The following PKNOX2 variants were observed in gnomAD, a reference collection of about 807,000 sequenced individuals.
PKNOX2 encodes the protein PBX/knotted 1 homeobox 2, also known as homeobox protein PKNOX2.
A neutral mutation model predicts 53.1 loss-of-function variants in PKNOX2; 14 were observed. The ratio of observed to expected loss-of-function variants is 0.26; its 90% CI spans 0.17 to 0.41. PKNOX2 has a LOEUF of 0.41. Ranked by LOEUF, PKNOX2 falls within the 10% of genes least tolerant of loss-of-function variation. PKNOX2 has a pLI of 1.00. For missense variants in PKNOX2, 496 were observed against 602.8 expected, an observed-to-expected ratio of 0.82 and a Z score of 1.85; for synonymous variants, 257 against 242.8, an observed-to-expected ratio of 1.06 and a Z score of -0.54.
rs868768539 is a variant in PKNOX2, at chr11:125,399,125, G to A, written c.588+1063G>A. ...GACAACAAGCACAAAAGATACACTC[G>A]GTATCACATCCAACCCACCCCAGTG... On this transcript the variant is annotated intron_variant, in intron 7 of 12. Coordinates refer to ENST00000298282, the MANE Select transcript of PKNOX2 (RefSeq NM_001382323.2). Among the ~76,000 whole-genome samples the A allele has an allele frequency of 9.2e-5, 14 of 152,316 alleles. 1 individual carries two copies. The highest frequency in any genetic ancestry group is 6.8e-3 in the Middle Eastern group (2 of 294).
At chr11:125,188,487 C>T (rs1956590177) in intron 1 of PKNOX2, among the ~76,000 whole-genome samples, 1 of 152,214 alleles carries the variant, frequency 6.6e-6, no homozygotes, top group Non-Finnish European at 1.5e-5. Flanking sequence ...CAAACTATAG[C>T]ATCTTCTTTC....
At chr11:125,251,361 T>A (rs1269911601) in intron 2 of PKNOX2, among the ~76,000 whole-genome samples, 1 of 152,170 alleles carries the variant, frequency 6.6e-6, no homozygotes, top group Non-Finnish European at 1.5e-5. Flanking sequence ...AAATGAGGTG[T>A]CTCCTGGAAG....
intron 1 of PKNOX2, among the ~76,000 whole-genome samples, chr11:125,193,948 G>A (rs1484675363): frequency 5.9e-5 from 9 of 152,340 alleles, no homozygotes; most frequent in African/African-American, 1.9e-4. Flanking sequence ...AGTGTTGTGA[G>A]TACCAAGTGT....
rs780745823 is a variant in PKNOX2, at chr11:125,166,452, G to A, written c.-201+1676G>A. 1.2e-4 allele frequency among the ~76,000 whole-genome samples: 18 copies of A among 152,226 alleles called. No homozygotes were observed. Among genetic ancestry groups the A allele is most frequent in the Non-Finnish European group, 2.4e-4 (16 of 68,044 alleles). ...AGCGATTCCGGGAAGCGGACAGATC[G>A]AAGAGACCTTCTGGGCGAAGCGGCA... On this transcript the variant is annotated intron_variant, in intron 1 of 12. Transcript: ENST00000298282. The surrounding 1 kb of genome is among the most constrained non-coding windows in gnomAD (Gnocchi z 4.0).
intron 4 of PKNOX2, among the ~76,000 whole-genome samples, chr11:125,363,244 C>T (rs79734592): frequency 0.025 from 3,763 of 152,298 alleles, 158 homozygotes; most frequent in African/African-American, 0.085. Flanking sequence ...AGCACGGGTG[C>T]AGGTGCTGGC....
Position 125,397,903 on chromosome 11 carries a change from C to T in PKNOX2, c.429C>T (p.Ile143=). Reference sequence around the variant, plus strand: ...TGAAGGCAATCCAGGTCCTGAGAATCCACCTGCTGGAGCTGGAGAAAGTCA... The same window carrying T: ...TGAAGGCAATCCAGGTCCTGAGAATTCACCTGCTGGAGCTGGAGAAAGTCA... ...LMVKAIQVLR[I]HLLELEKVNE... is the part of the protein sequence containing the mutation. The change falls in exon 7 of 13, where the codon ATC becomes ATT. Residue 143 remains isoleucine, a synonymous_variant. Transcript: ENST00000298282. The T allele has an allele frequency of 6.2e-6, 10 of 1,613,236 alleles. No individual in the cohort carries two copies. The highest frequency in any genetic ancestry group is 8.5e-6 in the Non-Finnish European group (10 of 1,179,524).
At chr11:125,416,427 G>C (rs1591565192) in intron 10 of PKNOX2, among the ~76,000 whole-genome samples, 1 of 150,594 alleles carries the variant, frequency 6.6e-6, no homozygotes, top group South Asian at 2.1e-4. Flanking sequence ...TGTCTCATCT[G>C]ATCCTAACTA....
intron 2 of PKNOX2, among the ~76,000 whole-genome samples, chr11:125,297,423 T>C (rs903000842): frequency 1.3e-5 from 2 of 152,176 alleles, no homozygotes; most frequent in Non-Finnish European, 2.9e-5. Flanking sequence ...GCAACAGCAG[T>C]TTAAACAAAA....
At chr11:125,221,060 C>T (rs930889152) in intron 1 of PKNOX2, among the ~76,000 whole-genome samples, 4 of 152,112 alleles carry the variant, frequency 2.6e-5, no homozygotes, top group Non-Finnish European at 5.9e-5. Flanking sequence ...GAGGCAGAGG[C>T]AGGAGAATTG....
Position 125,186,209 on chromosome 11 carries a change from C to T in PKNOX2, c.-201+21433C>T, listed in dbSNP as rs577418973. On this transcript the variant is annotated intron_variant, in intron 1 of 12. Coordinates refer to ENST00000298282, the MANE Select transcript of PKNOX2 (RefSeq NM_001382323.2). ...TATCTTTTTTGGAGAAACAGCTAGTCGAATTCTATGCCCATTTTTAAATTG... is the reference window on the plus strand; with the variant it reads ...TATCTTTTTTGGAGAAACAGCTAGTTGAATTCTATGCCCATTTTTAAATTG... 1.2e-4 allele frequency among the ~76,000 whole-genome samples: 18 copies of T among 152,184 alleles called. No individual in the cohort carries two copies. In the South Asian group the frequency reaches 3.1e-3, roughly 26 times the overall value.
intron 2 of PKNOX2, among the ~76,000 whole-genome samples, chr11:125,295,739 C>A (rs1166407753): frequency 1.3e-5 from 2 of 152,222 alleles, no homozygotes; most frequent in African/African-American, 2.4e-5. Context: ...AGTTTCAGAA[C>A]TGGGGCTCGC....
intron 1 of PKNOX2, among the ~76,000 whole-genome samples, chr11:125,196,952 C>T (rs1937774609): frequency 6.6e-6 from 1 of 152,194 alleles, no homozygotes; most frequent in South Asian, 2.1e-4. Flanking sequence ...CCTGGGATCA[C>T]TGGATTTTAC....
chr11:125,284,716 T>C (rs1461883517), intron 2 of PKNOX2, among the ~76,000 whole-genome samples: 1 of 152,086 alleles, frequency 6.6e-6, no homozygotes, highest in Non-Finnish European at 1.5e-5. Context: ...AAGGGAATGA[T>C]GAATTCCAGG....
At chr11:125,274,186 T>C (rs945822526) in intron 2 of PKNOX2, among the ~76,000 whole-genome samples, 2 of 152,262 alleles carry the variant, frequency 1.3e-5, no homozygotes, top group African/African-American at 4.8e-5. Flanking sequence ...CCTACTCTTA[T>C]GCCTCAGAGC....
chr11:125,386,798 T>C (rs971740043), intron 6 of PKNOX2, among the ~76,000 whole-genome samples: 20 of 151,386 alleles, frequency 1.3e-4, no homozygotes, highest in Admixed American at 1.3e-3. Flanking sequence ...TTCTGTGCTG[T>C]GAATTATCCA....
chr11:125,176,495 C>A (rs908138983), intron 1 of PKNOX2, among the ~76,000 whole-genome samples: 6 of 152,190 alleles, frequency 3.9e-5, no homozygotes, highest in African/African-American at 1.4e-4. Context: ...TCCAGGAAGC[C>A]GTGAGGGCCT....
rs191051251 is a variant in PKNOX2 at position 125,289,310 on chromosome 11, T to C, written c.-129-42509T>C. ...CATGCTATAGTAGGATACTGCTCTCTTCCCACCTCCACCAGTGATCCAGGC... is the reference window on the plus strand; with the variant it reads ...CATGCTATAGTAGGATACTGCTCTCCTCCCACCTCCACCAGTGATCCAGGC... On this transcript the variant is annotated intron_variant, in intron 2 of 12. Transcript: ENST00000298282. 2.0e-4 allele frequency among the ~76,000 whole-genome samples: 30 copies of C among 152,352 alleles called. No homozygotes were observed. In the East Asian group the frequency reaches 5.6e-3, roughly 28 times the overall value.
intron 2 of PKNOX2, among the ~76,000 whole-genome samples, chr11:125,307,685 C>A (rs931926997): frequency 1.1e-4 from 16 of 152,246 alleles, no homozygotes; most frequent in African/African-American, 3.6e-4. Flanking sequence ...TCACTTTACT[C>A]TTTAGGAAAA....
rs572634467 is a variant in PKNOX2 at position 125,300,849 on chromosome 11, C to T, written c.-129-30970C>T. Reference sequence around the variant, plus strand: ...CAGGAAAAGCTACTTGGAGCCAGAACACACTACTTGGCATGTTGCAGGCAT... The same window carrying T: ...CAGGAAAAGCTACTTGGAGCCAGAATACACTACTTGGCATGTTGCAGGCAT... On this transcript the variant is annotated intron_variant, in intron 2 of 12. Transcript: ENST00000298282. Among the ~76,000 whole-genome samples, 180 of 152,254 alleles carry T rather than the reference C, an allele frequency of 1.2e-3. 1 individual carries two copies. Among genetic ancestry groups the T allele is most frequent in the African/African-American group, 4.2e-3 (174 of 41,544 alleles).
Sources: allele counts gnomAD v4.1 joint callset (sites outside exome capture counted in the v4.1 genomes callset), GRCh38; gene constraint gnomAD v4.1.1; non-coding constraint Gnocchi (gnomAD v3.1); transcripts MANE v1.5; gene names NCBI Gene and HGNC (gene_info 2026-07-23, HGNC 2026-07-21).